The following CPVL variants were observed in gnomAD, a reference collection of about 807,000 sequenced individuals.
CPVL encodes the protein carboxypeptidase vitellogenic like.
In CPVL, 51 loss-of-function variants were observed where a neutral mutation model predicts 63.7. The observed-to-expected ratio is 0.80, with a 90% CI of 0.64 to 1.01. The LOEUF is 1.01. Ranked by LOEUF, CPVL falls within the 50% of genes least tolerant of loss-of-function variation. The pLI is 0.00. For synonymous variants in CPVL, 195 were observed against 206.0 expected (o/e 0.95, Z 0.46); for missense variants, 530 against 573.1 (o/e 0.92, Z 0.77).
At chr7:29,160,857 T>C (rs1795077106) in intron 5 of CPVL, among the ~76,000 whole-genome samples, 1 of 152,198 alleles carries the variant, frequency 6.6e-6, no homozygotes, top group Admixed American at 6.5e-5. Context: ...CTATTAATCA[T>C]TGACACTAGG....
intron 12 of CPVL, among the ~76,000 whole-genome samples, chr7:29,020,023 G>A (rs1028048545): frequency 1.3e-5 from 2 of 152,200 alleles, no homozygotes; most frequent in Non-Finnish European, 2.9e-5. Context: ...TCAGCGGGTT[G>A]AGTGTGATAT....
At chr7:29,173,275 G>T (rs1452973967) in intron 5 of CPVL, among the ~76,000 whole-genome samples, 1 of 152,126 alleles carries the variant, frequency 6.6e-6, no homozygotes, top group Non-Finnish European at 1.5e-5. Context: ...CCTGTAGCTG[G>T]CATTGCCCTG....
chr7:29,108,141 T>C (rs941387748), intron 3 of CPVL, among the ~76,000 whole-genome samples: 4 of 152,206 alleles, frequency 2.6e-5, no homozygotes, highest in African/African-American at 7.2e-5. Context: ...TGATCTTTCA[T>C]AGACACTAGA....
intron 11 of CPVL, among the ~76,000 whole-genome samples, chr7:29,031,615 T>C (rs1168201174): frequency 3.3e-5 from 5 of 152,164 alleles, no homozygotes; most frequent in African/African-American, 1.2e-4. Flanking sequence ...TTGAAATTCC[T>C]TGTCCCAGTA....
At chr7:29,023,576 C>G (rs1284312734) in intron 12 of CPVL, among the ~76,000 whole-genome samples, 1 of 152,220 alleles carries the variant, frequency 6.6e-6, no homozygotes, top group Non-Finnish European at 1.5e-5. Flanking sequence ...AGACCTGCTT[C>G]TACCAGTTTC....
rs70977102 is a variant in CPVL at position 29,069,770 on chromosome 7, A to ATGTGTG, written c.864+1997_864+2002dup. Among the ~76,000 whole-genome samples, 326 of 132,320 alleles carry ATGTGTG rather than the reference A, an allele frequency of 2.5e-3. 5 individuals carry two copies. The highest frequency in any genetic ancestry group is 6.0e-3 in the African/African-American group (202 of 33,878). The allele number at this position is 132,320 out of a possible 152,430, so 86.8% of individuals were successfully genotyped here. ...CGGCATCCTCTCCACTCACCAGTAAATGTGTGTGTGTGTGTGTGTGTGTGT... is the reference window on the plus strand; with the variant it reads ...CGGCATCCTCTCCACTCACCAGTAAATGTGTGTGTGTGTGTGTGTGTGTGTGTGTGT... On this transcript the variant is annotated intron_variant, in intron 9 of 12. Transcript: ENST00000265394.
chr7:29,119,710 G>A (rs1426708624), intron 2 of CPVL, among the ~76,000 whole-genome samples: 3 of 152,136 alleles, frequency 2.0e-5, no homozygotes, highest in Admixed American at 6.5e-5. Context: ...TGTAAGTTGG[G>A]TAAGTTGTTA....
intron 1 of CPVL, among the ~76,000 whole-genome samples, chr7:29,130,574 G>A (rs1370230714): frequency 1.3e-5 from 2 of 152,048 alleles, no homozygotes; most frequent in African/African-American, 4.8e-5. Flanking sequence ...AAGCCCTAAG[G>A]CCAGAGCTTT....
At chr7:29,187,157 G>A (rs1439029092) in intron 1 of CPVL, among the ~76,000 whole-genome samples, 1 of 152,160 alleles carries the variant, frequency 6.6e-6, no homozygotes, top group African/African-American at 2.4e-5. Context: ...AGTAGTAGTG[G>A]TCATCAAATG....
chr7:29,063,098 TC>T lies in CPVL; in HGVS notation c.1137+962del, dbSNP rs551575032. Among the ~76,000 whole-genome samples the T allele has an allele frequency of 5.1e-3, 775 of 152,296 alleles. 1 individual carries two copies. The highest frequency in any genetic ancestry group is 7.8e-3 in the Non-Finnish European group (533 of 68,030). On this transcript the variant is annotated intron_variant, in intron 11 of 12. Coordinates refer to ENST00000265394, the MANE Select transcript of CPVL (RefSeq NM_031311.5). ...CCCATGTCATTTGCTCTTGGTGTCC[TC>T]CTTCCCAGTGGGAGTTCCAGGGCCC...
chr7:29,189,520 G>T (rs1799137410), intron 1 of CPVL, among the ~76,000 whole-genome samples: 1 of 152,124 alleles, frequency 6.6e-6, no homozygotes, highest in Non-Finnish European at 1.5e-5. Context: ...GTTTATCCTA[G>T]ATTTCTCTTA....
chr7:29,126,263 C>T (rs1021678985), intron 1 of CPVL: 6 of 152,184 alleles, frequency 3.9e-5, no homozygotes, highest in African/African-American at 1.4e-4. Context: ...TTGAAATCAA[C>T]TATGGTAGGA....
chr7:29,030,309 T>A (rs1314871245), intron 12 of CPVL, among the ~76,000 whole-genome samples: 1 of 152,210 alleles, frequency 6.6e-6, no homozygotes, highest in Non-Finnish European at 1.5e-5. Flanking sequence ...CATTAATGAT[T>A]TGCCTCTTTG....
chr7:29,098,348 G>A (rs1268881863), intron 3 of CPVL, among the ~76,000 whole-genome samples: 2 of 152,132 alleles, frequency 1.3e-5, no homozygotes, highest in African/African-American at 2.4e-5. Flanking sequence ...AGTCCTTCAC[G>A]GCTTTGGAAA....
chr7:29,157,011 C>G lies in CPVL; in HGVS notation c.-11+24279G>C, dbSNP rs553143654. Among the ~76,000 whole-genome samples, 5 of 152,316 alleles carry G rather than the reference C, an allele frequency of 3.3e-5. No individual in the cohort carries two copies. The East Asian group carries it at 9.6e-4, about 29-fold the overall frequency. ...TTCACACATTGGTCCACCCTACCCC[C>G]ACTTGATGTCAGCAGGAAGTAATCT... On this transcript the variant is annotated intron_variant, in intron 5 of 16. Coordinates refer to the CPVL transcript ENST00000409850.
chr7:29,133,324 T>C (rs770995665), intron 1 of CPVL, among the ~76,000 whole-genome samples: 7 of 152,264 alleles, frequency 4.6e-5, no homozygotes, highest in Non-Finnish European at 1.0e-4. Context: ...TTTATCTTTA[T>C]TGACTTTTCT....
At chr7:29,087,988 C>T (rs1785382780) in intron 6 of CPVL, among the ~76,000 whole-genome samples, 1 of 152,192 alleles carries the variant, frequency 6.6e-6, no homozygotes, top group Non-Finnish European at 1.5e-5. Context: ...GGCATTCATT[C>T]TCCACCCTTC....
intron 1 of CPVL, chr7:29,127,038 C>T (rs895845314): frequency 3.9e-5 from 6 of 152,258 alleles, no homozygotes; most frequent in African/African-American, 1.2e-4. Context: ...ATCTCTCTAA[C>T]GAATTAGTCA....
Position 29,096,087 on chromosome 7 carries a change from T to TG in CPVL, c.403+15dup. On this transcript the variant is annotated intron_variant, in intron 4 of 12. Transcript: ENST00000265394. ...ATGAAAGATTCTATAGGAAATACAGTGCAAGGGATACTTACAGGTCATGTT... is the reference window on the plus strand; with the variant it reads ...ATGAAAGATTCTATAGGAAATACAGTGGCAAGGGATACTTACAGGTCATGTT... 6.3e-7 allele frequency: 1 copy of TG among 1,586,816 alleles called. No homozygotes were observed. The highest frequency in any genetic ancestry group is 8.7e-7 in the Non-Finnish European group (1 of 1,154,998).
Sources: allele counts gnomAD v4.1 joint callset (sites outside exome capture counted in the v4.1 genomes callset), GRCh38; gene constraint gnomAD v4.1.1; transcripts MANE v1.5; gene names NCBI Gene and HGNC (gene_info 2026-07-23, HGNC 2026-07-21).